Variants in EGFR observed in about 807,000 individuals in gnomAD.
The protein encoded by EGFR is avian erythroblastic leukemia viral (v-erb-b) oncogene homolog.
EGFR carries 58 observed loss-of-function variants against 143.0 expected under a neutral mutation model. That is an observed-to-expected ratio of 0.41 (90% confidence interval 0.33 to 0.50). The LOEUF is 0.50. Among genes scored for constraint, EGFR ranks in the 20% least tolerant of loss-of-function variants. EGFR has a pLI of 0.39. For missense variants in EGFR, 1,307 were observed against 1,579.0 expected (o/e 0.83, Z 2.92); for synonymous variants, 613 against 594.4 (o/e 1.03, Z -0.45).
At chr7:55,120,027 C>A (rs1793103009) in intron 1 of EGFR, among the ~76,000 whole-genome samples, 1 of 152,244 alleles carries the variant, frequency 6.6e-6, no homozygotes, top group Admixed American at 6.5e-5. Context: ...GGCCAGTATG[C>A]TGACTGGGTA....
chr7:55,039,716 A>G (rs2128868643), intron 1 of EGFR, among the ~76,000 whole-genome samples: 1 of 152,288 alleles, frequency 6.6e-6, no homozygotes, highest in Non-Finnish European at 1.5e-5. Context: ...TAAATTGTGT[A>G]CATCCCATTT....
At chr7:55,175,646 A>G (rs1243374437) in intron 19 of EGFR, among the ~76,000 whole-genome samples, 1 of 152,218 alleles carries the variant, frequency 6.6e-6, no homozygotes, top group Non-Finnish European at 1.5e-5. Flanking sequence ...AGCAGAATCG[A>G]GGAAAAGGAA....
chr7:55,170,267 C>A (rs768308344), intron 15 of EGFR: 8 of 1,613,868 alleles, frequency 5.0e-6, no homozygotes, highest in Non-Finnish European at 6.8e-6. Context: ...GCTCCCCAGG[C>A]CTCTCACATA....
intron 1 of EGFR, 101 bp downstream of exon 1, chr7:55,019,466 C>A: frequency 1.6e-6 from 1 of 613,282 alleles, no homozygotes; most frequent in Non-Finnish European, 2.2e-6. Flanking sequence ...GGCGCCCGCG[C>A]CCCCGCCCGT....
intron 4 of EGFR, among the ~76,000 whole-genome samples, chr7:55,147,625 C>T (rs1425455911): frequency 1.3e-5 from 2 of 152,130 alleles, no homozygotes; most frequent in African/African-American, 2.4e-5. Flanking sequence ...ATGAAATGCC[C>T]GTAATACAAG....
chr7:55,199,674 T>C lies in EGFR; in HGVS notation c.2849-642T>C, dbSNP rs143928757. 1.3e-3 allele frequency among the ~76,000 whole-genome samples: 195 copies of C among 152,344 alleles called. 2 individuals are homozygous for C. The highest frequency in any genetic ancestry group is 3.5e-3 in the African/African-American group (145 of 41,576). On this transcript the variant is annotated intron_variant, in intron 23 of 27. Coordinates refer to ENST00000275493, the MANE Select transcript of EGFR (RefSeq NM_005228.5). ...AAGAGGCATGAGGATTTCCAGGCAG[T>C]AGCCATACCTCCAAATTGTTTAATC...
intron 1 of EGFR, among the ~76,000 whole-genome samples, chr7:55,045,971 A>G (rs1446064022): frequency 6.6e-6 from 1 of 152,246 alleles, no homozygotes; most frequent in Non-Finnish European, 1.5e-5. Flanking sequence ...TTTTAAATTA[A>G]TTACATGTTG....
intron 1 of EGFR, among the ~76,000 whole-genome samples, chr7:55,044,612 G>T (rs1342625489): frequency 6.6e-6 from 1 of 152,190 alleles, no homozygotes; most frequent in African/African-American, 2.4e-5. Context: ...GTGTCCCCTT[G>T]GCATTTGGGC....
At chr7:55,112,887 C>T (rs1792598730) in intron 1 of EGFR, among the ~76,000 whole-genome samples, 1 of 152,240 alleles carries the variant, frequency 6.6e-6, no homozygotes, top group Middle Eastern at 3.2e-3. Context: ...GCCAGTGCAA[C>T]ACCTGATTCC....
chr7:55,075,532 C>T (rs1282768686), intron 1 of EGFR, among the ~76,000 whole-genome samples: 27 of 152,232 alleles, frequency 1.8e-4, no homozygotes, highest in Admixed American at 1.7e-3. Context: ...GATTAGGTCA[C>T]AGGAACATTG....
At chr7:55,122,985 G>A (rs1170583020) in intron 1 of EGFR, among the ~76,000 whole-genome samples, 1 of 152,238 alleles carries the variant, frequency 6.6e-6, no homozygotes, top group Non-Finnish European at 1.5e-5. Flanking sequence ...CTAGCACAGT[G>A]CAACCTTCAA....
intron 1 of EGFR, among the ~76,000 whole-genome samples, chr7:55,043,246 C>A (rs1385635402): frequency 6.6e-6 from 1 of 152,166 alleles, no homozygotes; most frequent in Non-Finnish European, 1.5e-5. Flanking sequence ...CTGAGACAAT[C>A]CTGTCCTCAT....
chr7:55,197,488 G>A (rs2128967877), intron 22 of EGFR, among the ~76,000 whole-genome samples: 1 of 152,170 alleles, frequency 6.6e-6, no homozygotes, highest in Non-Finnish European at 1.5e-5. Flanking sequence ...TTCCTGTTTG[G>A]ATGTCCATTA....
At chr7:55,019,409 GC>G (rs1318414672) in intron 1 of EGFR, 44 bp downstream of exon 1, 5 of 1,286,716 alleles carry the variant, frequency 3.9e-6, no homozygotes, top group Non-Finnish European at 5.1e-6. Context: ...CCCGGATCGC[GC>G]CCCGGACCCC....
chr7:55,091,084 G>A (rs567766967), intron 1 of EGFR, among the ~76,000 whole-genome samples: 12 of 152,196 alleles, frequency 7.9e-5, no homozygotes, highest in South Asian at 2.1e-4. Flanking sequence ...GTGCAAGATC[G>A]CTGAGTTGGC....
chr7:55,195,869 G>C (rs7808697), intron 22 of EGFR, among the ~76,000 whole-genome samples: 5 of 152,018 alleles, frequency 3.3e-5, no homozygotes, highest in African/African-American at 9.7e-5. Flanking sequence ...TTTTGTGGCT[G>C]CCTAGTGTTC....
In EGFR at chr7:55,091,794, T is replaced by C. The variant is rs575800846; in HGVS notation, c.89-50492T>C. On this transcript the variant is annotated intron_variant, in intron 1 of 27. Coordinates refer to ENST00000275493, the MANE Select transcript of EGFR (RefSeq NM_005228.5). ...TGGGGAGACTCACACTCAGAGGATT[T>C]CAAAGCAGAGGGCATCTCGTAGAGC... is the stretch of plus-strand genomic sequence containing the variant. Among the ~76,000 whole-genome samples, 15 of 150,338 alleles carry C rather than the reference T, an allele frequency of 1.0e-4. No individual in the cohort carries two copies. In the South Asian group the frequency reaches 3.2e-3, roughly 32 times the overall value.
chr7:55,191,980 G>A (rs2128964953), intron 21 of EGFR, 106 bp downstream of exon 21: 2 of 1,533,590 alleles, frequency 1.3e-6, no homozygotes, highest in Non-Finnish European at 8.9e-7. Context: ...ATGCTCTCCA[G>A]ACATTCTGGG....
intron 1 of EGFR, among the ~76,000 whole-genome samples, chr7:55,054,310 C>T (rs1190304833): frequency 1.3e-5 from 2 of 152,228 alleles, no homozygotes; most frequent in African/African-American, 2.4e-5. Context: ...AGGATTCCAC[C>T]TCCAAGTCAC....
Sources: allele counts gnomAD v4.1 joint callset (sites outside exome capture counted in the v4.1 genomes callset), GRCh38; gene constraint gnomAD v4.1.1; transcripts MANE v1.5; gene names NCBI Gene and HGNC (gene_info 2026-07-23, HGNC 2026-07-21).